CFAP95: variants seen among roughly 807,000 people sequenced by gnomAD.
CFAP95 encodes cilia- and flagella-associated protein 95.
the CFAP95 span, among the ~76,000 whole-genome samples, chr9:69,841,809 T>C: frequency 6.6e-6 from 1 of 152,224 alleles, no homozygotes; most frequent in Non-Finnish European, 1.5e-5. Flanking sequence ...CTCTCCTTTA[T>C]AAAACCATCA....
the CFAP95 span, among the ~76,000 whole-genome samples, chr9:69,845,748 C>T: frequency 1.3e-5 from 2 of 152,280 alleles, no homozygotes; most frequent in African/African-American, 2.4e-5. Context: ...TCCCCATCGC[C>T]ACCCCAACCT....
chr9:69,895,246 A>T, the CFAP95 span, among the ~76,000 whole-genome samples: 1 of 152,152 alleles, frequency 6.6e-6, no homozygotes, highest in Non-Finnish European at 1.5e-5. Context: ...CTGGAAAAAA[A>T]GGAATTCAGT....
the CFAP95 span, among the ~76,000 whole-genome samples, chr9:69,857,243 A>T: frequency 3.2e-4 from 48 of 152,282 alleles, no homozygotes; most frequent in African/African-American, 1.1e-3. Flanking sequence ...ATTTATATGA[A>T]GGCATTTCCT....
chr9:69,841,107 A>G, the CFAP95 span, among the ~76,000 whole-genome samples: 1 of 143,960 alleles, frequency 6.9e-6, no homozygotes, highest in East Asian at 2.1e-4. Context: ...CATTAAAAAA[A>G]AAGTTTAAAA....
the CFAP95 span, among the ~76,000 whole-genome samples, chr9:69,840,632 T>C: frequency 6.6e-6 from 1 of 152,242 alleles, no homozygotes; most frequent in African/African-American, 2.4e-5. Flanking sequence ...ATGGTAAATA[T>C]GTATTATACA....
At chr9:69,874,029 A>G in the CFAP95 span, among the ~76,000 whole-genome samples, 1 of 152,190 alleles carries the variant, frequency 6.6e-6, no homozygotes, top group Non-Finnish European at 1.5e-5. Flanking sequence ...TTAAAGACAA[A>G]AGAGGGCACG....
chr9:69,837,583 T>G, the CFAP95 span, among the ~76,000 whole-genome samples: 1 of 152,132 alleles, frequency 6.6e-6, no homozygotes, highest in Non-Finnish European at 1.5e-5. Context: ...GGGTTGTTTG[T>G]TTTTTTCTTG....
the CFAP95 span, among the ~76,000 whole-genome samples, chr9:69,862,539 C>T: frequency 3.3e-5 from 5 of 152,302 alleles, no homozygotes; most frequent in South Asian, 8.3e-4. Context: ...GCCAACTCTA[C>T]AGCTCTGAAA....
At chr9:69,880,933 T>A in the CFAP95 span, among the ~76,000 whole-genome samples, 6 of 152,232 alleles carry the variant, frequency 3.9e-5, no homozygotes, top group African/African-American at 1.2e-4. Flanking sequence ...CCTTTTCATA[T>A]GCCTATTTGC....
At chr9:69,856,701 T>C in the CFAP95 span, 4 of 1,516,570 alleles carry the variant, frequency 2.6e-6, no homozygotes, top group African/African-American at 4.1e-5. Context: ...CTTTACTTTA[T>C]AGAATGTGGA....
chr9:69,880,381 T>G, the CFAP95 span, among the ~76,000 whole-genome samples: 1 of 152,134 alleles, frequency 6.6e-6, no homozygotes, highest in African/African-American at 2.4e-5. Flanking sequence ...GGTTTGTAGA[T>G]CCCTCAAACA....
the CFAP95 span, among the ~76,000 whole-genome samples, chr9:69,831,382 T>C: frequency 6.6e-6 from 1 of 152,154 alleles, no homozygotes; most frequent in Non-Finnish European, 1.5e-5. Context: ...AAGCTTTTTT[T>C]AAAAAAAGCA....
At chr9:69,837,558 G>T in the CFAP95 span, among the ~76,000 whole-genome samples, 1 of 151,910 alleles carries the variant, frequency 6.6e-6, no homozygotes, top group South Asian at 2.1e-4. Context: ...CATGTCCTTC[G>T]CCCACTTTTT....
the CFAP95 span, among the ~76,000 whole-genome samples, chr9:69,895,369 C>CTCTCTCTCTCTGTGTG: frequency 5.1e-4 from 55 of 107,912 alleles, no homozygotes; most frequent in Middle Eastern, 5.6e-3. Flanking sequence ...CTCTCTCTCT[C>CTCTCTCTCTCTGTGTG]TGTGTGTGTG....
At chr9:69,831,784 T>C in the CFAP95 span, among the ~76,000 whole-genome samples, 1 of 152,198 alleles carries the variant, frequency 6.6e-6, no homozygotes, top group Admixed American at 6.5e-5. Flanking sequence ...GTACTACCCT[T>C]TCCCCAAGAG....
the CFAP95 span, among the ~76,000 whole-genome samples, chr9:69,855,581 G>T: frequency 6.6e-6 from 1 of 152,152 alleles, no homozygotes; most frequent in East Asian, 1.9e-4. Context: ...TGGCTGGGAG[G>T]ATAGTCATTC....
the CFAP95 span, among the ~76,000 whole-genome samples, chr9:69,853,127 G>T: frequency 6.6e-6 from 1 of 152,220 alleles, no homozygotes; most frequent in African/African-American, 2.4e-5. Flanking sequence ...GGAAAGAATT[G>T]TCAATTGGGG....
chr9:69,858,380 C>T, the CFAP95 span, among the ~76,000 whole-genome samples: 1 of 152,180 alleles, frequency 6.6e-6, no homozygotes, highest in African/African-American at 2.4e-5. Flanking sequence ...AGCTCTCATT[C>T]CATAAACGTG....
the CFAP95 span, among the ~76,000 whole-genome samples, chr9:69,859,798 G>A: frequency 6.6e-6 from 1 of 152,232 alleles, no homozygotes; most frequent in African/African-American, 2.4e-5. Context: ...ACTGAGGCTA[G>A]ATGGTAAAAT....
Sources: allele counts gnomAD v4.1 joint callset (sites outside exome capture counted in the v4.1 genomes callset), GRCh38; gene constraint gnomAD v4.1.1; transcripts MANE v1.5; gene names NCBI Gene and HGNC (gene_info 2026-07-23, HGNC 2026-07-21).